ALDH3A2: variants seen among roughly 807,000 people sequenced by gnomAD.
The protein encoded by ALDH3A2 is aldehyde dehydrogenase family 3 member A2.
ALDH3A2 carries 36 observed loss-of-function variants against 51.3 expected under a neutral mutation model. The ratio of observed to expected loss-of-function variants is 0.70; its 90% confidence interval spans 0.54 to 0.93. The LOEUF (loss-of-function observed/expected upper bound fraction) is 0.93, where lower values mean the gene tolerates loss of function less well. Ranked by LOEUF, ALDH3A2 falls within the 40% of genes least tolerant of loss-of-function variation. The pLI is 0.00. For synonymous variants in ALDH3A2, 199 were observed against 219.8 expected (o/e 0.91, Z 0.84); for missense variants, 552 against 603.1 (o/e 0.92, Z 0.89).
chr17:19,655,859 G>A (rs1210150784), intron 3 of ALDH3A2, among the ~76,000 whole-genome samples: 1 of 152,242 alleles, frequency 6.6e-6, no homozygotes, highest in African/African-American at 2.4e-5. Context: ...GCATAAGCTA[G>A]TGAGTGGCAG....
chr17:19,671,842 C>A lies in ALDH3A2; in HGVS notation c.1329C>A (p.Asn443Lys), dbSNP rs1418991349. ...EGANKLRYPP[N>K]SQSKVDWGKF... The stretch of plus-strand genomic sequence containing the variant: ...CTAACAAACTCAGATATCCTCCCAA[C>A]AGCCAGTCAAAGGTGGATTGGGGAA... The change falls in exon 9 of 10, where the codon AAC (asparagine) becomes AAA (lysine). Residue 443 changes from asparagine (N) to lysine (K), a missense_variant. By Grantham distance (94) the Asn-to-Lys change is moderately conservative (BLOSUM62 0). Transcript: ENST00000176643. 2 of 1,614,164 alleles carry A rather than the reference C, an allele frequency of 1.2e-6. No homozygotes were observed.
At chr17:19,659,559 A>C (rs758729109) in intron 5 of ALDH3A2, 5 of 151,306 alleles carry the variant, frequency 3.3e-5, no homozygotes, top group Non-Finnish European at 7.4e-5. Flanking sequence ...AAAAAGAGAA[A>C]ATTGGCTGGG....
At chr17:19,652,653 C>T (rs768953125) in intron 3 of ALDH3A2, 21 bp downstream of exon 3, 2 of 1,553,954 alleles carry the variant, frequency 1.3e-6, no homozygotes, top group East Asian at 4.5e-5. Flanking sequence ...CTTGACTCAT[C>T]TCCAACATAT....
At chr17:19,668,446 C>A (rs979452782) in intron 8 of ALDH3A2, among the ~76,000 whole-genome samples, 5 of 152,060 alleles carry the variant, frequency 3.3e-5, no homozygotes, top group Non-Finnish European at 7.4e-5. Context: ...TGGGGTCTCA[C>A]CATGTTGGCC....
chr17:19,669,414 A>G (rs891897954), intron 8 of ALDH3A2, among the ~76,000 whole-genome samples: 1 of 152,042 alleles, frequency 6.6e-6, no homozygotes. Flanking sequence ...TGCTGGCACC[A>G]TTTTTTGAAA....
In ALDH3A2 at chr17:19,664,939, T is replaced by C. The variant is rs1567604145; in HGVS notation, c.1108-9T>C. 1.2e-6 allele frequency: 2 copies of C among 1,611,696 alleles called. No individual in the cohort carries two copies. The highest frequency in any genetic ancestry group is 1.7e-6 in the Non-Finnish European group (2 of 1,178,566). On this transcript the variant is annotated splice_polypyrimidine_tract_variant and intron_variant, in intron 7 of 9. Transcript: ENST00000176643. Reference sequence around the variant, plus strand: ...TTCACTGACCTGGACACCTTTGGTCTGTCCTCAGCTCATCAAACGGATGAT... The same window carrying C: ...TTCACTGACCTGGACACCTTTGGTCCGTCCTCAGCTCATCAAACGGATGAT...
chr17:19,655,967 T>C (rs1279668521), intron 3 of ALDH3A2, among the ~76,000 whole-genome samples: 1 of 152,268 alleles, frequency 6.6e-6, no homozygotes, highest in Non-Finnish European at 1.5e-5. Context: ...AAGCCCACTC[T>C]GTGTTGTGAG....
rs750713197 is a variant in ALDH3A2, at chr17:19,649,048, A to C, written c.77A>C (p.Gln26Pro). The part of the protein sequence containing the change: ...RSRPLRFRLQ[Q>P]LEALRRMVQE... Reference sequence around the variant, plus strand: ...CGACCTCTGCGGTTTCGGCTGCAGCAGCTGGAGGCCCTGCGGAGGATGGTG... The same window carrying C: ...CGACCTCTGCGGTTTCGGCTGCAGCCGCTGGAGGCCCTGCGGAGGATGGTG... Residue 26 changes from glutamine to proline, a missense_variant, in exon 1 of 10, where the codon CAG (glutamine) becomes CCG (proline). Gln to Pro is a moderately conservative substitution (Grantham distance 76). Transcript: ENST00000176643. 1.9e-6 allele frequency: 3 copies of C among 1,584,202 alleles called. No individual in the cohort carries two copies. The highest frequency in any genetic ancestry group is 1.7e-6 in the Non-Finnish European group (2 of 1,165,718).
intron 8 of ALDH3A2, among the ~76,000 whole-genome samples, chr17:19,668,860 C>A (rs2085074184): frequency 1.5e-5 from 2 of 131,844 alleles, no homozygotes; most frequent in African/African-American, 5.4e-5. Context: ...CACTGTACCT[C>A]CAGCTTGGGC....
At chr17:19,672,718 A>C (rs1333626519) in intron 9 of ALDH3A2, among the ~76,000 whole-genome samples, 1 of 152,128 alleles carries the variant, frequency 6.6e-6, no homozygotes, top group Non-Finnish European at 1.5e-5. Flanking sequence ...TGGAAAAGGC[A>C]ATGGTAATAG....
At chr17:19,667,263 A>G (rs1463858980) in intron 8 of ALDH3A2, among the ~76,000 whole-genome samples, 1 of 152,248 alleles carries the variant, frequency 6.6e-6, no homozygotes, top group Non-Finnish European at 1.5e-5. Flanking sequence ...TAGTAGCTGC[A>G]TACTTTTCCA....
intron 3 of ALDH3A2, among the ~76,000 whole-genome samples, chr17:19,653,692 C>G (rs991632610): frequency 1.3e-5 from 2 of 152,144 alleles, no homozygotes; most frequent in Non-Finnish European, 2.9e-5. Flanking sequence ...AACGGCAGTG[C>G]GGACCCAGAG....
Position 19,671,903 on chromosome 17 carries a change from C to G in ALDH3A2, c.1390C>G (p.Leu464Val), listed in dbSNP as rs1420105615. The G allele has an allele frequency of 6.2e-7, 1 of 1,614,118 alleles. No individual in the cohort carries two copies. The highest frequency in any genetic ancestry group is 8.5e-7 in the Non-Finnish European group (1 of 1,180,020). The change falls in exon 9 of 10, where the codon CTC becomes GTC. Residue 464 changes from leucine to valine, a missense_variant. Leu to Val is a conservative substitution (Grantham distance 32). Coordinates refer to ENST00000176643, the MANE Select transcript of ALDH3A2 (RefSeq NM_000382.3). ...FLLKRFNKEK[L>V]GLLLLTFLGI... ...CTTGAAACGGTTCAACAAAGAAAAA[C>G]TCGGTCTCCTGTTGCTCACTTTCCT...
rs370250271 is a variant in ALDH3A2 at position 19,652,650 on chromosome 17, C to G, written c.471+18C>G. The G allele has an allele frequency of 1.5e-5, 24 of 1,554,042 alleles. No individual in the cohort carries two copies. Among genetic ancestry groups the G allele is most frequent in the Non-Finnish European group, 1.8e-5 (20 of 1,125,368 alleles). ...TAGACCAGGTAAGAATTTCTTGACT[C>G]ATCTCCAACATATGTGTTTACTGTG... On this transcript the variant is annotated intron_variant, in intron 3 of 9. Transcript: ENST00000176643.
chr17:19,671,248 A>T (rs2085108592), intron 8 of ALDH3A2, among the ~76,000 whole-genome samples: 1 of 152,224 alleles, frequency 6.6e-6, no homozygotes, highest in Non-Finnish European at 1.5e-5. Flanking sequence ...ATGAAGCCAC[A>T]TGGGATGGTG....
In ALDH3A2 at chr17:19,651,612, G is replaced by C; in HGVS notation, c.219G>C (p.Glu73Asp). The change falls in exon 2 of 10, where the codon GAG becomes GAC. Residue 73 changes from glutamate (E) to aspartate (D), a missense_variant. Glu to Asp is a conservative substitution (Grantham distance 45, BLOSUM62 2). Transcript: ENST00000176643. ...TTGGGGAAATTGATTTTATGCTTGA[G>C]AATCTTCCTGAATGGGTTACTGCTA... ...TVLGEIDFMLENLPEWVTAKP... is the reference protein window; with the variant it reads ...TVLGEIDFMLDNLPEWVTAKP... 1 of 1,614,204 alleles carries C rather than the reference G, an allele frequency of 6.2e-7. No individual in the cohort carries two copies. The highest frequency in any genetic ancestry group is 8.5e-7 in the Non-Finnish European group (1 of 1,180,038).
chr17:19,661,344 A>C (rs1379034030), intron 6 of ALDH3A2, 76 bp downstream of exon 6: 25 of 1,509,706 alleles, frequency 1.7e-5, no homozygotes, highest in Non-Finnish European at 2.2e-5. Flanking sequence ...TTAACACTAG[A>C]TAAACTATTA....
At chr17:19,675,525 T>C in intron 9 of ALDH3A2, 33 bp from the exon 10 acceptor site, 2 of 1,613,468 alleles carry the variant, frequency 1.2e-6, no homozygotes, top group Non-Finnish European at 1.7e-6. Flanking sequence ...TTAAAGCAGC[T>C]GAGTAAACTG....
intron 9 of ALDH3A2, chr17:19,675,060 A>G (rs2085169232): frequency 6.4e-6 from 1 of 156,874 alleles, no homozygotes; most frequent in Admixed American, 6.2e-5. Context: ...GTTAATGTTG[A>G]TAAATTTCAT....
Sources: allele counts gnomAD v4.1 joint callset (sites outside exome capture counted in the v4.1 genomes callset), GRCh38; gene constraint gnomAD v4.1.1; transcripts MANE v1.5; gene names NCBI Gene and HGNC (gene_info 2026-07-23, HGNC 2026-07-21).